Variants in OPA1 observed in about 807,000 individuals in gnomAD.
OPA1 encodes dynamin-like GTPase OPA1, mitochondrial.
In OPA1, 59 loss-of-function variants were observed where a neutral mutation model predicts 152.9. The ratio of observed to expected loss-of-function variants is 0.39; its 90% CI spans 0.31 to 0.48. The LOEUF (loss-of-function observed/expected upper bound fraction) is 0.48. OPA1 is among the 20% of genes least tolerant of loss of function. The probability of loss-of-function intolerance (pLI) is 0.96; values close to 1 mark genes in which losing one functional copy is unlikely to be tolerated. For synonymous variants in OPA1, 400 were observed against 389.9 expected (o/e 1.03, Z -0.31); for missense variants, 1,008 against 1,216.8 (o/e 0.83, Z 2.55).
intron 11 of OPA1, 32 bp downstream of exon 11, chr3:193,638,097 T>C: frequency 6.7e-7 from 1 of 1,492,074 alleles, no homozygotes; most frequent in Non-Finnish European, 9.3e-7. Context: ...GTGAGGTTCC[T>C]TAGGAGAGTA....
rs776222399 is a variant in OPA1 at position 193,644,104 on chromosome 3, G to A, written c.1607G>A (p.Arg536Lys). 6.2e-7 allele frequency: 1 copy of A among 1,613,488 alleles called. No homozygotes were observed. Among genetic ancestry groups the A allele is most frequent in the Non-Finnish European group, 8.5e-7 (1 of 1,179,630 alleles). The change falls in exon 16 of 31, where the codon AGG becomes AAG. Residue 536 changes from arginine (R) to lysine (K), a missense_variant and splice_region_variant. By Grantham distance (26) the Arg-to-Lys change is conservative. Transcript: ENST00000361510. ...GAGAAAAATGTAGCCAGTCCAAGCA[G>A]GGTGAGGTCAAATTCTTTGTTGCGA... ...LAEKNVASPS[R>K]IQQIIEGKLF...
chr3:193,615,178 T>A (rs1728828459), intron 2 of OPA1, 137 bp downstream of exon 2: 1 of 741,784 alleles, frequency 1.3e-6, no homozygotes, highest in Non-Finnish European at 2.3e-6. Flanking sequence ...ACTAGATTGT[T>A]TTAATGATGC....
intron 21 of OPA1, among the ~76,000 whole-genome samples, chr3:193,650,999 G>A (rs1317332095): frequency 6.6e-6 from 1 of 152,126 alleles, no homozygotes; most frequent in East Asian, 1.9e-4. Flanking sequence ...TGTTAAGGCA[G>A]AGGCAGGAAT....
Position 193,659,578 on chromosome 3 carries a change from C to T in OPA1, c.2520+17C>T. On this transcript the variant is annotated intron_variant, in intron 25 of 30. Transcript: ENST00000361510. ...CAAGAACAGGTAGAAATAAACAAGTCTCTAGTCTTATGATGATATAATTTT... is the reference window on the plus strand; with the variant it reads ...CAAGAACAGGTAGAAATAAACAAGTTTCTAGTCTTATGATGATATAATTTT... The T allele has an allele frequency of 6.3e-7, 1 of 1,591,988 alleles. No homozygotes were observed.
intron 1 of OPA1, among the ~76,000 whole-genome samples, chr3:193,597,674 G>C (rs1343811277): frequency 1.4e-5 from 2 of 141,096 alleles, no homozygotes; most frequent in South Asian, 2.3e-4. Flanking sequence ...CTGGGTGACA[G>C]AGCAAGACTC....
At chr3:193,600,374 A>C (rs1239866504) in intron 1 of OPA1, among the ~76,000 whole-genome samples, 1 of 152,194 alleles carries the variant, frequency 6.6e-6, no homozygotes, top group East Asian at 1.9e-4. Flanking sequence ...ATGATTCTTT[A>C]TGTTCTTGCT....
intron 8 of OPA1, among the ~76,000 whole-genome samples, 180 bp from the exon 9 acceptor site, chr3:193,635,238 T>G (rs1254063618): frequency 6.6e-6 from 1 of 152,170 alleles, no homozygotes; most frequent in Admixed American, 6.5e-5. Flanking sequence ...TTTCCACTGT[T>G]TGTAAGAGAT....
rs1023187205 is a variant in OPA1, at chr3:193,638,155, C to T, written c.1149+90C>T. 20 of 914,274 alleles carry T rather than the reference C, an allele frequency of 2.2e-5. No homozygotes were observed. The South Asian group carries it at 2.6e-4, about 12-fold the overall frequency. The allele number at this position is 914,274 out of a possible 1,614,324, so 56.6% of individuals were successfully genotyped here. On this transcript the variant is annotated intron_variant, in intron 11 of 30. Coordinates refer to ENST00000361510, the MANE Select transcript of OPA1 (RefSeq NM_130837.3). ...ATTGTGTTGAAATGAGGACTTTTAA[C>T]CAAAGAAAGACTTGATACATAGTGT... is the stretch of plus-strand genomic sequence containing the variant.
At chr3:193,661,292 T>C (rs1011047012) in intron 25 of OPA1, among the ~76,000 whole-genome samples, 1 of 152,146 alleles carries the variant, frequency 6.6e-6, no homozygotes, top group African/African-American at 2.4e-5. Flanking sequence ...ACAGAGGCCA[T>C]AATTTGGAAT....
At chr3:193,690,771 C>T (rs1721573739) in intron 29 of OPA1, among the ~76,000 whole-genome samples, 1 of 152,146 alleles carries the variant, frequency 6.6e-6, no homozygotes, top group Non-Finnish European at 1.5e-5. Context: ...ACATGGTTTT[C>T]CTACATAGTG....
chr3:193,691,975 A>T, intron 29 of OPA1, 88 bp from the exon 30 acceptor site: 1 of 778,056 alleles, frequency 1.3e-6, no homozygotes, highest in Non-Finnish European at 2.2e-6. Flanking sequence ...GCAAATAGTT[A>T]AGTATACCAA....
chr3:193,679,489 C>T (rs2109384462), intron 29 of OPA1, among the ~76,000 whole-genome samples: 1 of 152,132 alleles, frequency 6.6e-6, no homozygotes, highest in South Asian at 2.1e-4. Context: ...AGGCATTATG[C>T]CCATTGTTCA....
chr3:193,616,764 G>C (rs551407296), intron 3 of OPA1, among the ~76,000 whole-genome samples: 16 of 152,268 alleles, frequency 1.1e-4, no homozygotes, highest in Non-Finnish European at 2.1e-4. Context: ...ACCTTTGTCA[G>C]ATTTCTTAGT....
Position 193,670,105 on chromosome 3 carries a change from C to T in OPA1, c.2983+2825C>T, listed in dbSNP as rs184355932. On this transcript the variant is annotated intron_variant, in intron 29 of 30. Coordinates refer to ENST00000361510, the MANE Select transcript of OPA1 (RefSeq NM_130837.3). ...TCGTTACTGTTTATCTTTGGTCTGA[C>T]ACTTGGGAATAGGGTCATGGATACT... 2.6e-5 allele frequency among the ~76,000 whole-genome samples: 4 copies of T among 152,210 alleles called. No individual in the cohort carries two copies. In the East Asian group the frequency reaches 7.7e-4, roughly 29 times the overall value.
chr3:193,640,557 T>C (rs562631165), intron 11 of OPA1, among the ~76,000 whole-genome samples: 1 of 152,244 alleles, frequency 6.6e-6, no homozygotes, highest in East Asian at 1.9e-4. Flanking sequence ...GATCAGCTGT[T>C]AATTAGAAAG....
Position 193,638,092 on chromosome 3 carries a change from G to A in OPA1, c.1149+27G>A, listed in dbSNP as rs9862435. On this transcript the variant is annotated intron_variant, in intron 11 of 30. Transcript: ENST00000361510. ...TAAGAACATAGGCCGTCTCAGTGAG[G>A]TTCCTTAGGAGAGTAACTGCTTCAG... 105 of 1,535,550 alleles carry A rather than the reference G, an allele frequency of 6.8e-5. No individual in the cohort carries two copies. The African/African-American group carries it at 1.3e-3, about 19-fold the overall frequency.
intron 10 of OPA1, among the ~76,000 whole-genome samples, chr3:193,637,509 G>A (rs1201463935): frequency 1.3e-5 from 2 of 151,708 alleles, no homozygotes; most frequent in African/African-American, 4.8e-5. Flanking sequence ...ATATTTATGA[G>A]TTACTGTATG....
rs189597738 is a variant in OPA1 at position 193,663,909 on chromosome 3, T to C, written c.2661+947T>C. ...AGTTGAATGTGGATTTAGGTTTTATTCTTGTTGGTCCCAGCTCTCGTTAAC... is the reference window on the plus strand; with the variant it reads ...AGTTGAATGTGGATTTAGGTTTTATCCTTGTTGGTCCCAGCTCTCGTTAAC... On this transcript the variant is annotated intron_variant, in intron 26 of 30. Transcript: ENST00000361510. 6.6e-5 allele frequency among the ~76,000 whole-genome samples: 10 copies of C among 152,280 alleles called. No homozygotes were observed. In the East Asian group the frequency reaches 1.9e-3, roughly 29 times the overall value.
intron 23 of OPA1, among the ~76,000 whole-genome samples, chr3:193,658,585 T>C (rs1473659984): frequency 1.3e-5 from 2 of 152,224 alleles, no homozygotes; most frequent in Non-Finnish European, 2.9e-5. Context: ...TTGCATTTCA[T>C]GTAGTTAAAT....
Sources: allele counts gnomAD v4.1 joint callset (sites outside exome capture counted in the v4.1 genomes callset), GRCh38; gene constraint gnomAD v4.1.1; transcripts MANE v1.5; gene names NCBI Gene and HGNC (gene_info 2026-07-23, HGNC 2026-07-21).